ANO4: variants seen among roughly 807,000 people sequenced by gnomAD.
ANO4 encodes anoctamin-4.
In ANO4, 69 loss-of-function variants were observed where a neutral mutation model predicts 141.9. The observed-to-expected ratio is 0.49, with a 90% CI of 0.40 to 0.59. The LOEUF (loss-of-function observed/expected upper bound fraction) is 0.59, where lower values mean the gene tolerates loss of function less well. Ranked by LOEUF, ANO4 falls within the 20% of genes least tolerant of loss-of-function variation. ANO4 has a pLI of 0.00. For synonymous variants in ANO4, 350 were observed against 394.3 expected, an observed-to-expected ratio of 0.89 and a Z score of 1.33; for missense variants, 894 against 1,162.2, an observed-to-expected ratio of 0.77 and a Z score of 3.36.
At chr12:100,964,908 T>C (rs2043585954) in intron 5 of ANO4, among the ~76,000 whole-genome samples, 1 of 152,202 alleles carries the variant, frequency 6.6e-6, no homozygotes. Context: ...ATTACACGTC[T>C]ATTTATTGAG....
upstream of ANO4, among the ~76,000 whole-genome samples, chr12:100,790,105 T>C (rs1228577162): frequency 6.6e-6 from 1 of 151,996 alleles, no homozygotes; most frequent in Non-Finnish European, 1.5e-5. Flanking sequence ...GGAAGGCTAT[T>C]CTAGGAAAAA....
intron 8 of ANO4, among the ~76,000 whole-genome samples, chr12:101,012,663 G>A (rs566516019): frequency 6.6e-6 from 1 of 152,250 alleles, no homozygotes; most frequent in Admixed American, 6.5e-5. Flanking sequence ...TCATTGAAGA[G>A]TTTTAACTGG....
At chr12:100,870,537 A>G (rs888702936) in intron 1 of ANO4, among the ~76,000 whole-genome samples, 3 of 152,222 alleles carry the variant, frequency 2.0e-5, no homozygotes, top group Non-Finnish European at 2.9e-5. Context: ...TAAGAAAACC[A>G]TCCTGATTCT....
At chr12:100,796,260 T>C (rs1354790582) in intron 1 of ANO4, among the ~76,000 whole-genome samples, 1 of 152,200 alleles carries the variant, frequency 6.6e-6, no homozygotes, top group Admixed American at 6.5e-5. Flanking sequence ...ACTGAACTAA[T>C]ACAATGTGAT....
chr12:101,073,076 A>G (rs1316975055), intron 14 of ANO4, among the ~76,000 whole-genome samples: 1 of 152,232 alleles, frequency 6.6e-6, no homozygotes, highest in Non-Finnish European at 1.5e-5. Flanking sequence ...CAGCAATCCC[A>G]TTACTGGGTA....
chr12:100,787,695 G>A lies in ANO4; in HGVS notation c.358+47590G>A, dbSNP rs1363302866. ...AAGAAGAAAGAAATGTTCAGGAGGT[G>A]ATATGGACAAATGGGTTAAAGTGAG... On this transcript the variant is annotated intron_variant, in intron 3 of 29. Coordinates refer to the ANO4 transcript ENST00000644049. Among the ~76,000 whole-genome samples the A allele has an allele frequency of 3.3e-5, 5 of 152,152 alleles. No individual in the cohort carries two copies. In the East Asian group the frequency reaches 7.7e-4, roughly 23 times the overall value.
rs79799106 is a variant in ANO4, at chr12:100,876,278, C to CAAAAAAA, written c.-140-25356_-140-25350dup. Among the ~76,000 whole-genome samples the CAAAAAAA allele has an allele frequency of 2.3e-3, 213 of 91,864 alleles. 1 individual carries two copies. The highest frequency in any genetic ancestry group is 0.011 in the East Asian group (37 of 3,248). The allele number at this position is 91,864 out of a possible 152,430, so 60.3% of individuals were successfully genotyped here. ...GTGAGAGATCAAGGAATATAAAGAC[C>CAAAAAAA]AAAAAAAAAAAAAAAAAACAGTGGG... is the stretch of plus-strand genomic sequence containing the variant. On this transcript the variant is annotated intron_variant, in intron 1 of 27. Transcript: ENST00000392977.
At chr12:101,065,864 A>G (rs750334014) in intron 14 of ANO4, among the ~76,000 whole-genome samples, 1 of 152,228 alleles carries the variant, frequency 6.6e-6, no homozygotes, top group African/African-American at 2.4e-5. Context: ...AATCCTCAAC[A>G]AAATATTGGC....
chr12:100,978,820 T>C lies in ANO4; in HGVS notation c.602+3931T>C, dbSNP rs895812417. Among the ~76,000 whole-genome samples the C allele has an allele frequency of 2.0e-5, 3 of 152,310 alleles. No homozygotes were observed. In the South Asian group the frequency reaches 6.2e-4, roughly 32 times the overall value. Reference sequence around the variant, plus strand: ...AAGAAGACTGGAAATCGAGAGGAGATACAGGTGTGGTGAGGAAGTTGACTT... The same window carrying C: ...AAGAAGACTGGAAATCGAGAGGAGACACAGGTGTGGTGAGGAAGTTGACTT... On this transcript the variant is annotated intron_variant, in intron 7 of 27. Coordinates refer to ENST00000392977, the MANE Select transcript of ANO4 (RefSeq NM_001286615.2).
rs1302741436 is a variant in ANO4, at chr12:100,987,606, A to G, written c.670A>G (p.Thr224Ala). Residue 224 changes from threonine to alanine, a missense_variant, in exon 8 of 28, where the codon ACA (threonine) becomes GCA (alanine). Thr to Ala is a moderately conservative substitution (Grantham distance 58). Coordinates refer to ENST00000392977, the MANE Select transcript of ANO4 (RefSeq NM_001286615.2). ...GAAGCCAATGAGGCTGGACAAGGAG[A>G]CACTGCCAGACCTGGAGGAGAATGA... is the stretch of plus-strand genomic sequence containing the variant. ...PKKPMRLDKE[T>A]LPDLEENDCY... 1.9e-6 allele frequency: 3 copies of G among 1,613,942 alleles called. No individual in the cohort carries two copies. In the African/African-American group the frequency reaches 4.0e-5, roughly 22 times the overall value.
chr12:101,052,172 G>A (rs2047900453), intron 14 of ANO4, among the ~76,000 whole-genome samples: 1 of 152,132 alleles, frequency 6.6e-6, no homozygotes, highest in Admixed American at 6.5e-5. Flanking sequence ...AACTGGGAGG[G>A]CCTTGGCATT....
intron 8 of ANO4, among the ~76,000 whole-genome samples, chr12:101,010,171 C>G (rs1271809217): frequency 6.6e-6 from 1 of 152,098 alleles, no homozygotes; most frequent in Non-Finnish European, 1.5e-5. Context: ...AGTGTTCTTA[C>G]TGTTATTTAA....
chr12:100,994,618 T>G (rs909749364), intron 8 of ANO4, among the ~76,000 whole-genome samples: 1 of 152,258 alleles, frequency 6.6e-6, no homozygotes, highest in Non-Finnish European at 1.5e-5. Context: ...ACCATTATTT[T>G]ATTTTTGTAA....
chr12:100,890,892 G>A (rs2040071371), intron 1 of ANO4, among the ~76,000 whole-genome samples: 3 of 152,120 alleles, frequency 2.0e-5, no homozygotes, highest in African/African-American at 7.2e-5. Flanking sequence ...CACCATTATA[G>A]CATTAAACAG....
intron 9 of ANO4, among the ~76,000 whole-genome samples, chr12:101,029,681 G>C (rs1194013897): frequency 6.6e-6 from 1 of 152,082 alleles, no homozygotes. Context: ...GGAGGATGAG[G>C]TGGGTGGATC....
At chr12:100,718,905 G>C (rs1198672406) in intron 1 of ANO4, among the ~76,000 whole-genome samples, 1 of 152,170 alleles carries the variant, frequency 6.6e-6, no homozygotes, top group Non-Finnish European at 1.5e-5. Flanking sequence ...CTATCAGAGG[G>C]ATCTAACTTC....
chr12:100,992,428 C>T (rs1048498220), intron 8 of ANO4, among the ~76,000 whole-genome samples: 1 of 152,040 alleles, frequency 6.6e-6, no homozygotes, highest in Non-Finnish European at 1.5e-5. Flanking sequence ...TATGTTGTTT[C>T]CTCTCCTGGA....
chr12:101,062,857 G>T (rs1387410900), intron 14 of ANO4, among the ~76,000 whole-genome samples: 1 of 152,212 alleles, frequency 6.6e-6, no homozygotes, highest in African/African-American at 2.4e-5. Flanking sequence ...AGACTGCTTG[G>T]CTCCCTGGCT....
At chr12:100,878,603 A>T (rs908459722) in intron 1 of ANO4, among the ~76,000 whole-genome samples, 1 of 152,192 alleles carries the variant, frequency 6.6e-6, no homozygotes, top group Admixed American at 6.5e-5. Flanking sequence ...TCTACCCATA[A>T]AAATATACTG....
Sources: allele counts gnomAD v4.1 joint callset (sites outside exome capture counted in the v4.1 genomes callset), GRCh38; gene constraint gnomAD v4.1.1; transcripts MANE v1.5; gene names NCBI Gene and HGNC (gene_info 2026-07-23, HGNC 2026-07-21).